Variants in DARS1 observed in about 807,000 individuals in gnomAD.
DARS1 encodes aspartyl-tRNA synthetase 1.
DARS1 carries 51 observed loss-of-function variants against 68.8 expected under a neutral mutation model. The observed-to-expected ratio is 0.74, with a 90% CI of 0.59 to 0.94. The LOEUF (loss-of-function observed/expected upper bound fraction) is 0.94. Among genes scored for constraint, DARS1 ranks in the 40% least tolerant of loss-of-function variants. The probability of loss-of-function intolerance (pLI) is 0.00; values close to 1 mark genes in which losing one functional copy is unlikely to be tolerated. For synonymous variants in DARS1, 203 were observed against 190.4 expected (o/e 1.07, Z -0.55); for missense variants, 607 against 597.3 (o/e 1.02, Z -0.17).
intron 15 of DARS1, among the ~76,000 whole-genome samples, chr2:135,910,457 T>C (rs1344351022): frequency 1.3e-5 from 2 of 152,284 alleles, no homozygotes; most frequent in African/African-American, 2.4e-5. Context: ...GCCATTTATA[T>C]GTAGGTTTTA....
intron 7 of DARS1, among the ~76,000 whole-genome samples, chr2:135,926,742 G>A (rs768672760): frequency 2.0e-5 from 3 of 152,146 alleles, no homozygotes; most frequent in South Asian, 4.1e-4. Context: ...CACATTGTGC[G>A]AGCGAATTCA....
At chr2:135,965,744 G>A (rs1558797294) in intron 3 of DARS1, among the ~76,000 whole-genome samples, 1 of 152,092 alleles carries the variant, frequency 6.6e-6, no homozygotes, top group Non-Finnish European at 1.5e-5. Flanking sequence ...ATATGTTAAG[G>A]AAATTGAAAC....
In DARS1 at chr2:135,920,734, G is replaced by T. The variant is rs538559320; in HGVS notation, c.812-134C>A. On this transcript the variant is annotated intron_variant, in intron 9 of 15. Coordinates refer to ENST00000264161, the MANE Select transcript of DARS1 (RefSeq NM_001349.4). ...ATATTACAGGGCTGGAAGGACCTCT[G>T]ATGAACCATCTGTTTGAGCATTATC... The T allele has an allele frequency of 2.6e-6, 3 of 1,158,972 alleles. No individual in the cohort carries two copies. In the African/African-American group the frequency reaches 4.8e-5, roughly 18 times the overall value. 71.8% of individuals were successfully genotyped at this position (1,158,972 alleles called of 1,614,324 possible).
rs757851424 is a variant in DARS1, at chr2:135,922,953, A to C, written c.677-35T>G. On this transcript the variant is annotated intron_variant, in intron 8 of 15. Transcript: ENST00000264161. Reference sequence around the variant, plus strand: ...AAACATTTATATTTATATTATTATAATCAATTGTAAACTTATCAATGCAAA... The same window carrying C: ...AAACATTTATATTTATATTATTATACTCAATTGTAAACTTATCAATGCAAA... 11 of 1,453,360 alleles carry C rather than the reference A, an allele frequency of 7.6e-6. No homozygotes were observed. In the South Asian group the frequency reaches 1.7e-4, roughly 23 times the overall value. 90.0% of individuals were successfully genotyped at this position (1,453,360 alleles called of 1,614,324 possible).
intron 4 of DARS1, among the ~76,000 whole-genome samples, chr2:135,953,753 AGCTACT>A (rs931690506): frequency 6.6e-6 from 1 of 152,162 alleles, no homozygotes; most frequent in African/African-American, 2.4e-5. Context: ...CTTAGAAGGC[AGCTACT>A]GCTTTATAGT....
chr2:135,985,024 T>A (rs1682739628), intron 1 of DARS1, among the ~76,000 whole-genome samples: 1 of 152,256 alleles, frequency 6.6e-6, no homozygotes, highest in Non-Finnish European at 1.5e-5. Context: ...ACACGAGGGC[T>A]GAGTACATAT....
In DARS1 at chr2:135,910,380, C is replaced by T. The variant is rs532277447; in HGVS notation, c.1414+759G>A. Among the ~76,000 whole-genome samples the T allele has an allele frequency of 2.0e-5, 3 of 152,202 alleles. No individual in the cohort carries two copies. The East Asian group carries it at 5.8e-4, about 29-fold the overall frequency. On this transcript the variant is annotated intron_variant, in intron 15 of 15. Coordinates refer to ENST00000264161, the MANE Select transcript of DARS1 (RefSeq NM_001349.4). ...AGCCAGAGGTGTGAGATGGTTATCT[C>T]ATTGAGGTTTTAATTTATATTTCCC...
chr2:135,974,159 T>G (rs769541239), intron 3 of DARS1, among the ~76,000 whole-genome samples: 2 of 152,182 alleles, frequency 1.3e-5, no homozygotes, highest in Non-Finnish European at 2.9e-5. Context: ...GTATGAGAGC[T>G]GAAACAAGAA....
intron 4 of DARS1, among the ~76,000 whole-genome samples, chr2:135,957,136 C>T (rs143775377): frequency 6.6e-6 from 1 of 152,252 alleles, no homozygotes; most frequent in Admixed American, 6.5e-5. Flanking sequence ...ACAATCACAG[C>T]TCACTGCAGC....
At chr2:135,940,672 C>T (rs147081885) in intron 5 of DARS1, among the ~76,000 whole-genome samples, 10 of 151,892 alleles carry the variant, frequency 6.6e-5, no homozygotes, top group East Asian at 5.8e-4. Flanking sequence ...CAATCAGGCA[C>T]GAGAAAGGAA....
At chr2:135,912,597 A>C in intron 12 of DARS1, 31 bp from the exon 13 acceptor site, 1 of 763,650 alleles carries the variant, frequency 1.3e-6, no homozygotes, top group Non-Finnish European at 2.2e-6. Context: ...ATTAAAATAC[A>C]TTTTTAAAAA....
chr2:135,976,588 G>A (rs557703980), intron 3 of DARS1, among the ~76,000 whole-genome samples: 2 of 151,736 alleles, frequency 1.3e-5, no homozygotes, highest in East Asian at 3.9e-4. Context: ...TCAATTAAGA[G>A]ACTAAAATAA....
intron 15 of DARS1, 137 bp downstream of exon 15, chr2:135,911,002 A>G: frequency 1.7e-6 from 1 of 577,052 alleles, no homozygotes; most frequent in Non-Finnish European, 3.1e-6. Context: ...TATAACACAC[A>G]AGTTAGCTGT....
chr2:135,959,991 T>C (rs1208873625), intron 4 of DARS1, among the ~76,000 whole-genome samples: 1 of 152,210 alleles, frequency 6.6e-6, no homozygotes, highest in Non-Finnish European at 1.5e-5. Context: ...CAGGACCATC[T>C]TTTTTTCTTT....
At chr2:135,941,238 C>T (rs1233963571) in intron 5 of DARS1, among the ~76,000 whole-genome samples, 1 of 152,074 alleles carries the variant, frequency 6.6e-6, no homozygotes, top group Non-Finnish European at 1.5e-5. Context: ...ACTGGAGGCA[C>T]CACGCTACCT....
chr2:135,935,005 G>A (rs919496020), intron 5 of DARS1, among the ~76,000 whole-genome samples: 1 of 151,704 alleles, frequency 6.6e-6, no homozygotes, highest in African/African-American at 2.4e-5. Context: ...TGGCCAGGCT[G>A]GTCTCAAACT....
At chr2:135,975,026 T>G (rs1452917357) in intron 3 of DARS1, among the ~76,000 whole-genome samples, 3 of 152,110 alleles carry the variant, frequency 2.0e-5, no homozygotes. Context: ...ATAGCCATAC[T>G]ATGAAATACT....
intron 4 of DARS1, among the ~76,000 whole-genome samples, chr2:135,956,499 CAG>C (rs1681980496): frequency 6.6e-6 from 1 of 152,128 alleles, no homozygotes; most frequent in African/African-American, 2.4e-5. Flanking sequence ...GGGGGGATGA[CAG>C]GGGTTATAGT....
At chr2:135,972,312 C>T (rs1221804648) in intron 3 of DARS1, among the ~76,000 whole-genome samples, 2 of 152,034 alleles carry the variant, frequency 1.3e-5, no homozygotes, top group African/African-American at 4.8e-5. Flanking sequence ...GACAAAGGTG[C>T]CAATAACATA....
Sources: allele counts gnomAD v4.1 joint callset (sites outside exome capture counted in the v4.1 genomes callset), GRCh38; gene constraint gnomAD v4.1.1; transcripts MANE v1.5; gene names NCBI Gene and HGNC (gene_info 2026-07-23, HGNC 2026-07-21).